The following NRP2 variants were observed in gnomAD, a reference collection of about 807,000 sequenced individuals.
NRP2 encodes neuropilin-2.
NRP2 carries 52 observed loss-of-function variants against 110.4 expected under a neutral mutation model. That is an observed-to-expected ratio of 0.47 (90% CI 0.38 to 0.59). The LOEUF (loss-of-function observed/expected upper bound fraction) is 0.59. Ranked by LOEUF, NRP2 falls within the 20% of genes least tolerant of loss-of-function variation. The pLI is 0.00. For synonymous variants in NRP2, 508 were observed against 468.9 expected (o/e 1.08, Z -1.08); for missense variants, 1,049 against 1,203.0 (o/e 0.87, Z 1.89).
chr2:205,790,281 T>C (rs1446004041), intron 15 of NRP2, among the ~76,000 whole-genome samples: 1 of 152,234 alleles, frequency 6.6e-6, no homozygotes, highest in African/African-American at 2.4e-5. Context: ...CGTGATCTCC[T>C]GTGATAAAAT....
At chr2:205,744,339 G>A (rs2057499531) in intron 9 of NRP2, among the ~76,000 whole-genome samples, 1 of 152,230 alleles carries the variant, frequency 6.6e-6, no homozygotes, top group African/African-American at 2.4e-5. Flanking sequence ...ATAGAAACTA[G>A]AGGATGACTT....
At chr2:205,760,007 A>T (rs1270144827) in intron 12 of NRP2, among the ~76,000 whole-genome samples, 2 of 152,202 alleles carry the variant, frequency 1.3e-5, no homozygotes, top group African/African-American at 4.8e-5. Context: ...ATGCTGTGGC[A>T]GGTTTACTGA....
chr2:205,776,687 C>T (rs2058106717), intron 15 of NRP2: 1 of 1,518,290 alleles, frequency 6.6e-7, no homozygotes, highest in East Asian at 2.4e-5. Context: ...CAACCATCCT[C>T]CTTGGGTTCA....
At chr2:205,699,585 A>G (rs987044030) in intron 2 of NRP2, among the ~76,000 whole-genome samples, 1 of 152,208 alleles carries the variant, frequency 6.6e-6, no homozygotes, top group African/African-American at 2.4e-5. Flanking sequence ...AAGGCCAGAA[A>G]GGCCCTGCTT....
chr2:205,756,793 A>G (rs999907377), intron 12 of NRP2: 2 of 152,218 alleles, frequency 1.3e-5, no homozygotes, highest in African/African-American at 4.8e-5. Flanking sequence ...TGGAGTGTTC[A>G]GTGGCTGGTA....
intron 15 of NRP2, among the ~76,000 whole-genome samples, chr2:205,789,611 C>A (rs544516477): frequency 1.3e-5 from 2 of 152,348 alleles, no homozygotes; most frequent in South Asian, 4.1e-4. Context: ...GGAGCTGTGG[C>A]CTCTACCCTC....
At chr2:205,784,818 C>G (rs2058218105) in intron 15 of NRP2, among the ~76,000 whole-genome samples, 1 of 152,210 alleles carries the variant, frequency 6.6e-6, no homozygotes, top group Non-Finnish European at 1.5e-5. Flanking sequence ...CTTCATCCAT[C>G]AATGCCTTCT....
chr2:205,738,035 T>A (rs1474547283), intron 7 of NRP2, among the ~76,000 whole-genome samples: 2 of 152,234 alleles, frequency 1.3e-5, no homozygotes, highest in Admixed American at 6.5e-5. Flanking sequence ...AGAAAAGGTC[T>A]CTTAGCGTTG....
At chr2:205,700,034 CCT>C (rs1355325180) in intron 2 of NRP2, among the ~76,000 whole-genome samples, 7 of 151,460 alleles carry the variant, frequency 4.6e-5, no homozygotes, top group Admixed American at 4.6e-4. Flanking sequence ...GTTTTCTCAG[CCT>C]CTCACTCTTC....
intron 15 of NRP2, among the ~76,000 whole-genome samples, chr2:205,773,296 G>A (rs2058050432): frequency 1.3e-5 from 2 of 152,164 alleles, no homozygotes; most frequent in African/African-American, 4.8e-5. Flanking sequence ...GCTTGTAGGG[G>A]ATCAGGAAGG....
intron 12 of NRP2, chr2:205,760,959 T>C (rs1327426226): frequency 6.6e-6 from 1 of 152,182 alleles, no homozygotes; most frequent in Non-Finnish European, 1.5e-5. Context: ...TCTGGTTTCC[T>C]TTATATATGA....
At chr2:205,712,182 G>A (rs894950864) in intron 2 of NRP2, among the ~76,000 whole-genome samples, 2 of 152,124 alleles carry the variant, frequency 1.3e-5, no homozygotes, top group South Asian at 2.1e-4. Flanking sequence ...AAAGGCACTC[G>A]GGGAACCGTT....
At chr2:205,720,072 A>T (rs2056978994) in intron 3 of NRP2, among the ~76,000 whole-genome samples, 1 of 152,174 alleles carries the variant, frequency 6.6e-6, no homozygotes, top group South Asian at 2.1e-4. Context: ...GGCATCTGCT[A>T]TTCAGCTGCT....
At chr2:205,692,109 C>T (rs957452861) in intron 1 of NRP2, among the ~76,000 whole-genome samples, 45 of 152,268 alleles carry the variant, frequency 3.0e-4, no homozygotes, top group African/African-American at 1.0e-3. Context: ...CTCTGCTTCC[C>T]TCTCTCCTTC....
chr2:205,766,514 A>G (rs2057920688), intron 14 of NRP2, among the ~76,000 whole-genome samples: 4 of 152,166 alleles, frequency 2.6e-5, no homozygotes, highest in African/African-American at 9.7e-5. Flanking sequence ...AACTGATTAC[A>G]ATACTTTAGG....
rs576503836 is a variant in NRP2 at position 205,692,786 on chromosome 2, G to A, written c.74-4758G>A. Among the ~76,000 whole-genome samples the A allele has an allele frequency of 1.3e-4, 20 of 152,298 alleles. No homozygotes were observed. The South Asian group carries it at 3.9e-3, about 30-fold the overall frequency. ...AAATGTCTTATTGTCTAGGAGGGTA[G>A]AGAATCTTTTGAATTCTTGGCTCAA... On this transcript the variant is annotated intron_variant, in intron 1 of 16. Transcript: ENST00000357785.
intron 7 of NRP2, among the ~76,000 whole-genome samples, chr2:205,737,600 A>G (rs564520591): frequency 1.3e-5 from 2 of 152,366 alleles, no homozygotes; most frequent in Admixed American, 6.5e-5. Flanking sequence ...TTCCTTCACC[A>G]TCCAAAGAAC....
At chr2:205,761,755 C>A (rs1322490833) in intron 12 of NRP2, among the ~76,000 whole-genome samples, 1 of 152,198 alleles carries the variant, frequency 6.6e-6, no homozygotes, top group Non-Finnish European at 1.5e-5. Flanking sequence ...AGGTGGAAAA[C>A]CTGCAGTCAG....
At chr2:205,697,769 C>T (rs374381885) in intron 2 of NRP2, 48 bp downstream of exon 2, 73 of 1,538,162 alleles carry the variant, frequency 4.7e-5, no homozygotes, top group African/African-American at 2.5e-4. Context: ...GAGATGCACA[C>T]GCCCTGCCCC....
Sources: gnomAD v4.1 joint callset for allele counts (sites outside exome capture counted in the v4.1 genomes callset) on GRCh38, gnomAD v4.1.1 for gene constraint, MANE v1.5 for transcripts, NCBI Gene and HGNC (gene_info 2026-07-23, HGNC 2026-07-21) for gene names.